DCC: variants seen among roughly 807,000 people sequenced by gnomAD.
DCC encodes netrin receptor DCC.
DCC carries 58 observed loss-of-function variants against 172.5 expected under a neutral mutation model. The ratio of observed to expected loss-of-function variants is 0.34; its 90% CI spans 0.27 to 0.42. The LOEUF (loss-of-function observed/expected upper bound fraction) is 0.42. Ranked by LOEUF, DCC falls within the 10% of genes least tolerant of loss-of-function variation. DCC has a pLI of 1.00. For missense variants in DCC, 1,740 were observed against 1,791.0 expected (o/e 0.97, Z 0.51); for synonymous variants, 709 against 644.5 (o/e 1.10, Z -1.52).
At chr18:52,475,288 G>T (rs1479245916) in intron 1 of DCC, among the ~76,000 whole-genome samples, 1 of 152,110 alleles carries the variant, frequency 6.6e-6, no homozygotes, top group African/African-American at 2.4e-5. Flanking sequence ...GCACTGTCAG[G>T]GTGAAGCTAA....
intron 14 of DCC, among the ~76,000 whole-genome samples, chr18:53,322,578 AT>A (rs1020766945): frequency 1.3e-5 from 2 of 151,892 alleles, no homozygotes; most frequent in African/African-American, 2.4e-5. Context: ...ATCTATATGT[AT>A]TTTTTTACTT....
chr18:53,279,647 TAAAAAAA>T (rs34872786), intron 12 of DCC, among the ~76,000 whole-genome samples: 87 of 139,310 alleles, frequency 6.2e-4, no homozygotes, highest in African/African-American at 2.3e-3. Flanking sequence ...TAAAGTATAA[TAAAAAAA>T]AAAAAAAAAA....
intron 7 of DCC, among the ~76,000 whole-genome samples, chr18:53,149,419 A>G (rs958776284): frequency 6.6e-6 from 1 of 152,176 alleles, no homozygotes; most frequent in African/African-American, 2.4e-5. Flanking sequence ...GAGGCTAAAT[A>G]CCTTTCCAAA....
At chr18:53,431,601 C>T (rs1412745946) in intron 21 of DCC, among the ~76,000 whole-genome samples, 1 of 152,034 alleles carries the variant, frequency 6.6e-6, no homozygotes, top group East Asian at 1.9e-4. Context: ...AATTTTGCCT[C>T]CACCTCCAGA....
At chr18:52,689,939 C>G (rs2035905298) in intron 1 of DCC, among the ~76,000 whole-genome samples, 1 of 152,138 alleles carries the variant, frequency 6.6e-6, no homozygotes, top group African/African-American at 2.4e-5. Context: ...GAAGTGAAGT[C>G]GAATCTATTT....
chr18:52,563,438 G>A (rs1188825926), intron 1 of DCC, among the ~76,000 whole-genome samples: 1 of 152,052 alleles, frequency 6.6e-6, no homozygotes, highest in East Asian at 1.9e-4. Context: ...TCTGAAGGAG[G>A]GATGTGTCTA....
chr18:52,415,863 T>C (rs1398948580), intron 1 of DCC, among the ~76,000 whole-genome samples: 1 of 152,216 alleles, frequency 6.6e-6, no homozygotes, highest in African/African-American at 2.4e-5. Context: ...TTTTTGTGTC[T>C]CTATTTCCTT....
chr18:53,086,620 CTTCTTGTTTT>C lies in DCC; in HGVS notation c.1261+20455_1261+20464del, dbSNP rs1426295163. 6.9e-4 allele frequency among the ~76,000 whole-genome samples: 35 copies of C among 50,956 alleles called. 6 individuals carry two copies. The highest frequency in any genetic ancestry group is 8.8e-3 in the Middle Eastern group (1 of 114). 33.4% of individuals were successfully genotyped at this position (50,956 alleles called of 152,430 possible). ...CTTCTTCTTCTTCTTCTTCTTTCTT[CTTCTTGTTTT>C]AGGGTACATGTGCATAATGTGCAGG... is the stretch of plus-strand genomic sequence containing the variant. On this transcript the variant is annotated intron_variant, in intron 7 of 28. Coordinates refer to ENST00000442544, the MANE Select transcript of DCC (RefSeq NM_005215.4).
chr18:52,535,753 C>T, intron 1 of DCC, among the ~76,000 whole-genome samples: 1 of 152,102 alleles, frequency 6.6e-6, no homozygotes, highest in Non-Finnish European at 1.5e-5. Context: ...AAAACTGATG[C>T]ATGGGGATTT....
In DCC at chr18:52,779,637, A is replaced by G. The variant is rs187058630; in HGVS notation, c.412+27263A>G. Among the ~76,000 whole-genome samples, 26 of 152,326 alleles carry G rather than the reference A, an allele frequency of 1.7e-4. No individual in the cohort carries two copies. In the East Asian group the frequency reaches 5.0e-3, roughly 29 times the overall value. ...ATACATGCACATGTGTCTTTATAGTAGAATGATTTATAATCCTTTGGGTAT... is the reference window on the plus strand; with the variant it reads ...ATACATGCACATGTGTCTTTATAGTGGAATGATTTATAATCCTTTGGGTAT... On this transcript the variant is annotated intron_variant, in intron 2 of 28. Transcript: ENST00000442544.
At chr18:52,627,729 A>G (rs2034600640) in intron 1 of DCC, among the ~76,000 whole-genome samples, 1 of 152,216 alleles carries the variant, frequency 6.6e-6, no homozygotes, top group South Asian at 2.1e-4. Flanking sequence ...GAGTGAACAG[A>G]GGTGGTCTTC....
At chr18:52,433,422 A>G (rs1468627380) in intron 1 of DCC, among the ~76,000 whole-genome samples, 1 of 152,222 alleles carries the variant, frequency 6.6e-6, no homozygotes, top group African/African-American at 2.4e-5. Flanking sequence ...CTCAAAGATC[A>G]GTATATTCTG....
chr18:53,359,703 T>G (rs2057922842), intron 15 of DCC, among the ~76,000 whole-genome samples: 2 of 152,200 alleles, frequency 1.3e-5, no homozygotes, highest in African/African-American at 2.4e-5. Flanking sequence ...TATTATTTAA[T>G]TAATCCTAGT....
intron 1 of DCC, among the ~76,000 whole-genome samples, chr18:52,678,276 G>T (rs960415975): frequency 1.3e-5 from 2 of 152,038 alleles, no homozygotes; most frequent in Admixed American, 6.6e-5. Flanking sequence ...CCGTCTTATT[G>T]GTTGGCATAC....
intron 15 of DCC, among the ~76,000 whole-genome samples, chr18:53,355,563 T>G (rs7242550): frequency 0.1 from 15,953 of 152,168 alleles, 901 homozygotes; most frequent in Middle Eastern, 0.19. Context: ...ACTCATGATT[T>G]GGTTCTCTGT....
At chr18:53,522,281 GA>G (rs11336516) in intron 27 of DCC, among the ~76,000 whole-genome samples, 6,491 of 139,676 alleles carry the variant, frequency 0.046, 157 homozygotes, top group Middle Eastern at 0.12. Flanking sequence ...CAGAAGTTTG[GA>G]AAAAAAAAAA....
intron 12 of DCC, among the ~76,000 whole-genome samples, chr18:53,252,989 C>T (rs144135763): frequency 1.6e-4 from 24 of 152,054 alleles, no homozygotes; most frequent in African/African-American, 5.8e-4. Flanking sequence ...AGGATTAGCA[C>T]TTATATTTCC....
intron 2 of DCC, among the ~76,000 whole-genome samples, chr18:52,804,911 G>C (rs2038059926): frequency 1.3e-5 from 2 of 152,170 alleles, no homozygotes; most frequent in South Asian, 2.1e-4. Flanking sequence ...AAATATGCCT[G>C]GTGTTTCTTC....
intron 5 of DCC, among the ~76,000 whole-genome samples, chr18:53,010,378 T>C (rs1378432751): frequency 1.3e-5 from 2 of 151,814 alleles, no homozygotes; most frequent in African/African-American, 4.8e-5. Flanking sequence ...ATAATTAATT[T>C]TGCCAAGTTT....
Sources: allele counts gnomAD v4.1 joint callset (sites outside exome capture counted in the v4.1 genomes callset), GRCh38; gene constraint gnomAD v4.1.1; transcripts MANE v1.5; gene names NCBI Gene and HGNC (gene_info 2026-07-23, HGNC 2026-07-21).